The following COL12A1 variants were observed in gnomAD, a reference collection of about 807,000 sequenced individuals.
The protein encoded by COL12A1 is collagen alpha-1(XII) chain.
Under a neutral mutation model 349.7 loss-of-function variants are expected in COL12A1, and 114 were observed. The ratio of observed to expected loss-of-function variants is 0.33; its 90% CI spans 0.28 to 0.38. The LOEUF is 0.38. Among genes scored for constraint, COL12A1 ranks in the 10% least tolerant of loss-of-function variants. The pLI is 1.00. For missense variants in COL12A1, 3,284 were observed against 3,756.9 expected, an observed-to-expected ratio of 0.87 and a Z score of 3.29; for synonymous variants, 1,369 against 1,329.0, an observed-to-expected ratio of 1.03 and a Z score of -0.66.
chr6:75,139,089 C>G, intron 27 of COL12A1, 128 bp from the exon 28 acceptor site: 1 of 1,014,072 alleles, frequency 9.9e-7, no homozygotes, highest in Non-Finnish European at 1.4e-6. Flanking sequence ...TTGCTTAGAA[C>G]CAAATATTTC....
chr6:75,125,326 T>C (rs1765961227), intron 39 of COL12A1, 53 bp from the exon 40 acceptor site: 2 of 1,503,676 alleles, frequency 1.3e-6, no homozygotes, highest in African/African-American at 2.8e-5. Flanking sequence ...TAGCATGAAA[T>C]TTTGCTTAAA....
At chr6:75,093,374 T>C (rs1334107949) in intron 60 of COL12A1, among the ~76,000 whole-genome samples, 1 of 152,190 alleles carries the variant, frequency 6.6e-6, no homozygotes, top group Non-Finnish European at 1.5e-5. Flanking sequence ...CAAGAAGATA[T>C]CAACTGATTA....
chr6:75,171,486 A>G (rs1768631475), intron 13 of COL12A1, among the ~76,000 whole-genome samples: 1 of 152,218 alleles, frequency 6.6e-6, no homozygotes, highest in African/African-American at 2.4e-5. Context: ...AAAATACAAA[A>G]CAACAACAAC....
At chr6:75,130,359 T>C (rs1268940185) in intron 36 of COL12A1, 126 bp from the exon 37 acceptor site, 13 of 930,866 alleles carry the variant, frequency 1.4e-5, no homozygotes, top group Non-Finnish European at 1.9e-5. Context: ...TATAATAAAA[T>C]ATACATTTAT....
chr6:75,120,436 G>T (rs1769298432), intron 44 of COL12A1, among the ~76,000 whole-genome samples: 1 of 152,000 alleles, frequency 6.6e-6, no homozygotes, highest in Non-Finnish European at 1.5e-5. Flanking sequence ...AAATAAAGAA[G>T]AAAATTCACC....
chr6:75,128,178 T>C, intron 38 of COL12A1, 118 bp downstream of exon 38: 1 of 789,094 alleles, frequency 1.3e-6, no homozygotes, highest in Non-Finnish European at 1.9e-6. Context: ...ACAATATTAG[T>C]GTGGTATTTG....
At chr6:75,187,065 C>T (rs933913900) in intron 8 of COL12A1, among the ~76,000 whole-genome samples, 3 of 151,396 alleles carry the variant, frequency 2.0e-5, no homozygotes, top group African/African-American at 7.3e-5. Context: ...ACAACAAGCC[C>T]CCATGAAACA....
chr6:75,165,549 T>C lies in COL12A1; in HGVS notation c.2941A>G (p.Ser981Gly). 2.5e-6 allele frequency: 4 copies of C among 1,613,966 alleles called. No individual in the cohort carries two copies. Among genetic ancestry groups the C allele is most frequent in the Non-Finnish European group, 3.4e-6 (4 of 1,179,878 alleles). The change falls in exon 14 of 66, where the codon AGT becomes GGT. Residue 981 changes from serine (S) to glycine (G), a missense_variant. By Grantham distance (56) the Ser-to-Gly change is moderately conservative (BLOSUM62 0). Coordinates refer to ENST00000322507, the MANE Select transcript of COL12A1 (RefSeq NM_004370.6). ...CCAGTCAAAGGTTCTCCTTCTCCAC[T>C]GCTGTAAGTGGCAAATACTGAAATT... ...YRISVFATYS[S>G]GEGEPLTGDA...
chr6:75,137,202 AT>A (rs1414387397), intron 31 of COL12A1, among the ~76,000 whole-genome samples: 1 of 152,190 alleles, frequency 6.6e-6, no homozygotes, highest in Non-Finnish European at 1.5e-5. Context: ...CACATGCCTC[AT>A]GCTTTGGGGC....
chr6:75,139,173 T>C (rs1218754075), intron 27 of COL12A1, among the ~76,000 whole-genome samples: 2 of 152,194 alleles, frequency 1.3e-5, no homozygotes, highest in African/African-American at 4.8e-5. Context: ...TCTATTTAAA[T>C]GATTATTTTT....
Position 75,105,236 on chromosome 6 carries a change from G to A in COL12A1, c.8235C>T (p.Ser2745=), listed in dbSNP as rs761969672. 1 of 1,613,708 alleles carries A rather than the reference G, an allele frequency of 6.2e-7. No individual in the cohort carries two copies. The highest frequency in any genetic ancestry group is 2.2e-5 in the East Asian group (1 of 44,862). The part of the protein sequence containing the change: ...FPNSCTCTQD[S]VGPPGPPGPA... ...GGCCTGGAGGTCCTGGAGGTCCAACGCTGTCCTGTGTACATGTGCAAGAAT... is the reference window on the plus strand; with the variant it reads ...GGCCTGGAGGTCCTGGAGGTCCAACACTGTCCTGTGTACATGTGCAAGAAT... Residue 2745 remains serine (S), a synonymous_variant, in exon 54 of 66, where the codon AGC becomes AGT. Coordinates refer to ENST00000322507, the MANE Select transcript of COL12A1 (RefSeq NM_004370.6).
intron 1 of COL12A1, among the ~76,000 whole-genome samples, chr6:75,203,887 A>G (rs1437758703): frequency 2.0e-5 from 3 of 152,244 alleles, no homozygotes; most frequent in Non-Finnish European, 4.4e-5. Context: ...GGCCTCAGGA[A>G]AAATGGAGGG....
At chr6:75,104,770 T>C (rs1768466451) in intron 54 of COL12A1, among the ~76,000 whole-genome samples, 1 of 152,220 alleles carries the variant, frequency 6.6e-6, no homozygotes, top group Non-Finnish European at 1.5e-5. Flanking sequence ...TCTCTATATG[T>C]TATTCTCATG....
intron 53 of COL12A1, 78 bp from the exon 54 acceptor site, chr6:75,105,370 C>T: frequency 2.1e-6 from 2 of 931,928 alleles, no homozygotes; most frequent in Non-Finnish European, 3.4e-6. Context: ...CACTTACATG[C>T]ACAAGGAAGT....
At chr6:75,097,637 T>C (rs189981504) in intron 58 of COL12A1, among the ~76,000 whole-genome samples, 1 of 152,196 alleles carries the variant, frequency 6.6e-6, no homozygotes, top group Non-Finnish European at 1.5e-5. Context: ...TTTTTGTTTT[T>C]GTAATAGCAT....
At chr6:75,139,753 C>T (rs1392636712) in intron 27 of COL12A1, among the ~76,000 whole-genome samples, 2 of 152,166 alleles carry the variant, frequency 1.3e-5, no homozygotes, top group East Asian at 1.9e-4. Flanking sequence ...CATGCTGACC[C>T]TGTTCAGAGA....
chr6:75,151,083 A>ATT, intron 21 of COL12A1, 58 bp downstream of exon 21: 1 of 944,624 alleles, frequency 1.1e-6, no homozygotes, highest in Non-Finnish European at 1.5e-6. Context: ...CAAAAGAATA[A>ATT]TTATTTGGCC....
At chr6:75,139,103 A>G in intron 27 of COL12A1, 142 bp from the exon 28 acceptor site, 6 of 863,024 alleles carry the variant, frequency 7.0e-6, no homozygotes, top group Non-Finnish European at 1.1e-5. Flanking sequence ...ATATTTCACC[A>G]ATTCCTAGAG....
intron 9 of COL12A1, 74 bp downstream of exon 9, chr6:75,183,780 G>A (rs1188828638): frequency 2.6e-6 from 4 of 1,566,866 alleles, no homozygotes; most frequent in Non-Finnish European, 3.5e-6. Context: ...TCAAAACTAA[G>A]TCCAAACAAG....
Sources: allele counts gnomAD v4.1 joint callset (sites outside exome capture counted in the v4.1 genomes callset), GRCh38; gene constraint gnomAD v4.1.1; transcripts MANE v1.5; gene names NCBI Gene and HGNC (gene_info 2026-07-23, HGNC 2026-07-21).